CLTRN: variants seen among roughly 807,000 people sequenced by gnomAD.
CLTRN encodes collectrin.
CLTRN carries 12 observed loss-of-function variants against 14.5 expected under a neutral mutation model. That is an observed-to-expected ratio of 0.83 (90% CI 0.53 to 1.34). CLTRN has a LOEUF of 1.34. Among genes scored for constraint, CLTRN ranks in the 40% most tolerant of loss-of-function variants. The pLI is 0.00. For synonymous variants in CLTRN, 58 were observed against 56.5 expected, an observed-to-expected ratio of 1.03 and a Z score of -0.12; for missense variants, 154 against 165.1, an observed-to-expected ratio of 0.93 and a Z score of 0.37.
At chrX:15,646,456 G>GCC in intron 3 of CLTRN, 1 of 286,257 alleles carries the variant, frequency 3.5e-6, no homozygotes, top group Non-Finnish European at 6.6e-6. Context: ...AGAAAACCGC[G>GCC]CACCCACCCC....
chrX:15,663,013 CAT>C (rs1379021743), intron 2 of CLTRN, among the ~76,000 whole-genome samples: 2 of 111,719 alleles, frequency 1.8e-5, no homozygotes, highest in Non-Finnish European at 3.8e-5. Flanking sequence ...AGCCTTTGCA[CAT>C]GCTGTTCCCT....
Position 15,644,908 on chromosome X carries a change from G to A in CLTRN, c.317+8C>T. 1 of 1,146,779 alleles carries A rather than the reference G, an allele frequency of 8.7e-7. No individual in the cohort carries two copies. The highest frequency in any genetic ancestry group is 1.2e-6 in the Non-Finnish European group (1 of 847,847). 94.5% of individuals were successfully genotyped at this position (1,146,779 alleles called of 1,213,427 possible). On this transcript the variant is annotated splice_region_variant and intron_variant, in intron 4 of 5. Transcript: ENST00000380342. ...TGACTAATAGAAGGCATATTTAAGG[G>A]TGATTACCTTATGGCTGATTGCACC...
chrX:15,667,629 A>T (rs1228024735), upstream of CLTRN, among the ~76,000 whole-genome samples: 1 of 112,654 alleles, frequency 8.9e-6, no homozygotes, highest in Admixed American at 9.4e-5. Flanking sequence ...GTGTAAATAC[A>T]TGTACATTTC....
intron 3 of CLTRN, among the ~76,000 whole-genome samples, chrX:15,656,277 T>C (rs774239912): frequency 8.0e-5 from 9 of 112,352 alleles, no homozygotes; most frequent in Non-Finnish European, 3.8e-5. Flanking sequence ...CAGGAGACAA[T>C]GAGCTCTGTA....
chrX:15,664,241 A>C, intron 2 of CLTRN, 96 bp downstream of exon 2: 1 of 554,790 alleles, frequency 1.8e-6, no homozygotes, highest in Non-Finnish European at 2.9e-6. Context: ...AATTTATTCA[A>C]GATTAAGGTA....
intron 4 of CLTRN, among the ~76,000 whole-genome samples, chrX:15,644,271 T>C (rs1296085483): frequency 1.8e-5 from 2 of 112,054 alleles, no homozygotes; most frequent in Non-Finnish European, 3.8e-5. Flanking sequence ...CCCTAAGTTC[T>C]TGAAAACTAA....
chrX:15,671,688 G>A (rs1264219625), intron 1 of CLTRN, among the ~76,000 whole-genome samples: 2 of 111,795 alleles, frequency 1.8e-5, no homozygotes, highest in African/African-American at 6.5e-5. Flanking sequence ...CAGGCTGTTG[G>A]ACTGGCAGCC....
At chrX:15,655,208 G>C (rs780686798) in intron 3 of CLTRN, among the ~76,000 whole-genome samples, 1 of 111,998 alleles carries the variant, frequency 8.9e-6, no homozygotes, top group South Asian at 3.7e-4. Context: ...CATTCTCCTC[G>C]CTTAGGGACA....
At chrX:15,660,714 G>C (rs1454254276) in intron 2 of CLTRN, among the ~76,000 whole-genome samples, 1 of 109,408 alleles carries the variant, frequency 9.1e-6, no homozygotes, top group Non-Finnish European at 1.9e-5. Flanking sequence ...GGCTAAGGCA[G>C]GAAGATTGCT....
intron 2 of CLTRN, among the ~76,000 whole-genome samples, chrX:15,660,243 C>T (rs901505036): frequency 1.3e-4 from 15 of 111,699 alleles, no homozygotes; most frequent in Non-Finnish European, 2.3e-4. Flanking sequence ...AAATGTATTA[C>T]TCAGTTACCT....
chrX:15,673,300 T>C (rs906956432), intron 1 of CLTRN, among the ~76,000 whole-genome samples: 2 of 112,618 alleles, frequency 1.8e-5, no homozygotes, highest in African/African-American at 6.5e-5. Flanking sequence ...TCAAAAACTG[T>C]TCTGGATCTG....
At chrX:15,655,620 C>G (rs867268710) in intron 3 of CLTRN, among the ~76,000 whole-genome samples, 5 of 111,926 alleles carry the variant, frequency 4.5e-5, no homozygotes, top group Non-Finnish European at 3.8e-5. Flanking sequence ...AAACTGCTCT[C>G]TCTCTCCCCA....
chrX:15,646,929 G>C (rs1929093863), intron 3 of CLTRN: 3 of 266,920 alleles, frequency 1.1e-5, no homozygotes, highest in South Asian at 1.0e-4. Flanking sequence ...TTCTGCCCGG[G>C]TCTAGGCCGC....
chrX:15,664,421 C>G, intron 1 of CLTRN, 26 bp from the exon 2 acceptor site: 1 of 1,147,676 alleles, frequency 8.7e-7, no homozygotes, highest in African/African-American at 1.8e-5. Context: ...AAAGAAAGAG[C>G]AGTATATGAT....
At chrX:15,667,883 T>C (rs1182648876), upstream of CLTRN, among the ~76,000 whole-genome samples, 15 of 112,079 alleles carry the variant, frequency 1.3e-4, no homozygotes, top group Non-Finnish European at 2.8e-4. Context: ...TCCTTTAGTC[T>C]TGCATTTCTT....
chrX:15,649,667 C>T (rs757984699), intron 3 of CLTRN, among the ~76,000 whole-genome samples: 2 of 110,747 alleles, frequency 1.8e-5, no homozygotes, highest in East Asian at 5.7e-4. Context: ...GATTATCTCT[C>T]TTCCCCACCC....
upstream of CLTRN, chrX:15,675,099 A>G (rs1358700056): frequency 8.8e-6 from 1 of 113,462 alleles, no homozygotes; most frequent in Non-Finnish European, 1.9e-5. Context: ...GCTTAGCGGA[A>G]GAGGCGTGAC....
At chrX:15,640,347 G>A (rs1418275364) in intron 4 of CLTRN, among the ~76,000 whole-genome samples, 1 of 112,841 alleles carries the variant, frequency 8.9e-6, no homozygotes, top group Non-Finnish European at 1.9e-5. Context: ...CTGCAAAACT[G>A]CCCTGAGCTG....
chrX:15,645,565 A>G (rs1929044682), intron 3 of CLTRN, among the ~76,000 whole-genome samples: 1 of 112,095 alleles, frequency 8.9e-6, no homozygotes, highest in Non-Finnish European at 1.9e-5. Flanking sequence ...AAAGTTCTCA[A>G]AAACAAGTTT....
Sources: allele counts gnomAD v4.1 joint callset (sites outside exome capture counted in the v4.1 genomes callset), GRCh38; gene constraint gnomAD v4.1.1; transcripts MANE v1.5; gene names NCBI Gene and HGNC (gene_info 2026-07-23, HGNC 2026-07-21).